SCAI: variants seen among roughly 807,000 people sequenced by gnomAD.
SCAI encodes protein SCAI.
In SCAI, 24 loss-of-function variants were observed where a neutral mutation model predicts 92.2. The observed-to-expected ratio is 0.26, with a 90% CI of 0.19 to 0.37. SCAI has a LOEUF of 0.37. Ranked by LOEUF, SCAI falls within the 10% of genes least tolerant of loss-of-function variation. The pLI, the probability that SCAI is intolerant of heterozygous loss-of-function variation, is 1.00. For missense variants in SCAI, 450 were observed against 736.2 expected (o/e 0.61, Z 4.50); for synonymous variants, 261 against 258.6 (o/e 1.01, Z -0.09).
chr9:125,057,855 A>T (rs917808537), intron 2 of SCAI, among the ~76,000 whole-genome samples: 2 of 152,196 alleles, frequency 1.3e-5, no homozygotes, highest in Admixed American at 1.3e-4. Context: ...GCACTTTGGG[A>T]GGCAGAAGCA....
chr9:124,964,928 G>C (rs1445013209), intron 17 of SCAI, among the ~76,000 whole-genome samples: 1 of 151,698 alleles, frequency 6.6e-6, no homozygotes, highest in Non-Finnish European at 1.5e-5. Flanking sequence ...CAAAATAACA[G>C]AGTTGTCTAT....
chr9:125,032,197 T>TATATATATA (rs1564386310), intron 3 of SCAI, among the ~76,000 whole-genome samples: 49 of 84,578 alleles, frequency 5.8e-4, no homozygotes, highest in African/African-American at 2.4e-3. Flanking sequence ...ATATATATAT[T>TATATATATA]TTTTTTTTTT....
At chr9:124,984,690 T>C (rs1191974924) in intron 14 of SCAI, among the ~76,000 whole-genome samples, 2 of 152,188 alleles carry the variant, frequency 1.3e-5, no homozygotes, top group Non-Finnish European at 2.9e-5. Context: ...AATTCCGCCT[T>C]GGGCATGTTC....
At chr9:125,050,244 T>C (rs1049122978) in intron 3 of SCAI, among the ~76,000 whole-genome samples, 5 of 152,108 alleles carry the variant, frequency 3.3e-5, no homozygotes, top group Admixed American at 6.6e-5. Flanking sequence ...ATAAGGGCCA[T>C]AGACCTACTC....
intron 2 of SCAI, among the ~76,000 whole-genome samples, chr9:125,117,496 T>C (rs1835068575): frequency 6.6e-6 from 1 of 151,804 alleles, no homozygotes; most frequent in African/African-American, 2.4e-5. Flanking sequence ...TGAAACCCTA[T>C]CTCTACTAAA....
At chr9:125,007,726 T>G (rs1832541376) in intron 9 of SCAI, among the ~76,000 whole-genome samples, 1 of 152,010 alleles carries the variant, frequency 6.6e-6, no homozygotes, top group Non-Finnish European at 1.5e-5. Flanking sequence ...GGCACAATCA[T>G]GGCTCACTGC....
chr9:125,128,761 A>T (rs11789472), intron 2 of SCAI, among the ~76,000 whole-genome samples: 71,399 of 150,036 alleles, frequency 0.48, 17,261 homozygotes, highest in East Asian at 0.61. Flanking sequence ...TCAAAAAAAA[A>T]AAATAAATAA....
At position 124,952,791 on chromosome 9, in the gene SCAI, C is replaced by T; in HGVS notation, c.*16G>A. 1 of 1,598,836 alleles carries T rather than the reference C, an allele frequency of 6.3e-7. No individual in the cohort carries two copies. The highest frequency in any genetic ancestry group is 8.5e-7 in the Non-Finnish European group (1 of 1,171,650). On this transcript the variant is annotated 3_prime_UTR_variant, in exon 18 of 18. Transcript: ENST00000336505. Reference sequence around the variant, plus strand: ...TGTGGAAAATGAAAACTTGTTTCGACAACAGGGTTTTTGTTTTAATAGTCA... The same window carrying T: ...TGTGGAAAATGAAAACTTGTTTCGATAACAGGGTTTTTGTTTTAATAGTCA...
At chr9:125,006,238 A>C (rs1364620015) in intron 9 of SCAI, among the ~76,000 whole-genome samples, 1 of 152,158 alleles carries the variant, frequency 6.6e-6, no homozygotes, top group Non-Finnish European at 1.5e-5. Flanking sequence ...GCAAAAGTCT[A>C]GGTGTGGCAG....
At chr9:125,047,840 A>G (rs1833477645) in intron 3 of SCAI, among the ~76,000 whole-genome samples, 3 of 152,246 alleles carry the variant, frequency 2.0e-5, no homozygotes, top group Admixed American at 2.0e-4. Context: ...TTTATGATGA[A>G]GTAGAATATT....
intron 15 of SCAI, among the ~76,000 whole-genome samples, chr9:124,973,303 T>C (rs1831694764): frequency 6.6e-6 from 1 of 152,200 alleles, no homozygotes; most frequent in Admixed American, 6.5e-5. Context: ...CTGTACCCCA[T>C]TGTCTTCCAC....
At chr9:125,088,872 G>A (rs1291945910) in intron 2 of SCAI, among the ~76,000 whole-genome samples, 2 of 152,150 alleles carry the variant, frequency 1.3e-5, no homozygotes. Flanking sequence ...GGCCAAATAA[G>A]TCTTTGTTGT....
intron 2 of SCAI, among the ~76,000 whole-genome samples, chr9:125,130,394 A>G (rs895566102): frequency 6.6e-6 from 1 of 152,136 alleles, no homozygotes; most frequent in Non-Finnish European, 1.5e-5. Flanking sequence ...GTTCTATATT[A>G]TGATTATAGT....
chr9:125,006,417 A>G (rs763026880), intron 9 of SCAI, among the ~76,000 whole-genome samples: 19 of 152,378 alleles, frequency 1.2e-4, no homozygotes, highest in Middle Eastern at 6.8e-3. Context: ...ATATGCTTAA[A>G]TAGAAGAAGT....
At chr9:124,956,901 C>A (rs568485150) in intron 17 of SCAI, among the ~76,000 whole-genome samples, 1 of 150,862 alleles carries the variant, frequency 6.6e-6, no homozygotes, top group East Asian at 1.9e-4. Flanking sequence ...ATGACATGAT[C>A]TTGTATATAG....
chr9:125,048,004 A>G (rs982007100), intron 3 of SCAI, among the ~76,000 whole-genome samples: 1 of 151,774 alleles, frequency 6.6e-6, no homozygotes, highest in Admixed American at 6.6e-5. Flanking sequence ...TTGAGATGGA[A>G]TTTCACTCTT....
At chr9:125,076,966 T>G (rs1834103037) in intron 2 of SCAI, among the ~76,000 whole-genome samples, 1 of 152,136 alleles carries the variant, frequency 6.6e-6, no homozygotes, top group Non-Finnish European at 1.5e-5. Context: ...CCTCCCAAAG[T>G]GCTGGGATTA....
intron 2 of SCAI, among the ~76,000 whole-genome samples, chr9:125,126,661 C>G (rs1249416185): frequency 1.3e-5 from 2 of 152,064 alleles, no homozygotes; most frequent in East Asian, 3.9e-4. Context: ...GAAGAGACAT[C>G]TCATCACTTC....
At chr9:125,142,156 T>C (rs1835681895) in intron 2 of SCAI, 1 of 154,178 alleles carries the variant, frequency 6.5e-6, no homozygotes, top group South Asian at 2.0e-4. Context: ...TATATATTTA[T>C]GGGACCGGCT....
Sources: allele counts gnomAD v4.1 joint callset (sites outside exome capture counted in the v4.1 genomes callset), GRCh38; gene constraint gnomAD v4.1.1; transcripts MANE v1.5; gene names NCBI Gene and HGNC (gene_info 2026-07-23, HGNC 2026-07-21).